Variants in RBFOX1 observed in about 807,000 individuals in gnomAD.
RBFOX1 encodes the protein RNA binding protein fox-1 homolog 1.
Under a neutral mutation model 57.7 loss-of-function variants are expected in RBFOX1, and 8 were observed. The ratio of observed to expected loss-of-function variants is 0.14; its 90% CI spans 0.08 to 0.25. The LOEUF (loss-of-function observed/expected upper bound fraction) is 0.25, where lower values mean the gene tolerates loss of function less well. RBFOX1 is among the 10% of genes least tolerant of loss of function. RBFOX1 has a pLI of 1.00. For synonymous variants in RBFOX1, 326 were observed against 222.4 expected, an observed-to-expected ratio of 1.47 and a Z score of -4.15; for missense variants, 611 against 548.5, an observed-to-expected ratio of 1.11 and a Z score of -1.14.
At chr16:5,593,430 T>G (rs1353189438) in intron 2 of RBFOX1, among the ~76,000 whole-genome samples, 2 of 149,414 alleles carry the variant, frequency 1.3e-5, no homozygotes, top group Non-Finnish European at 3.0e-5. Flanking sequence ...CCATGGCACA[T>G]GTATACCTAT....
intron 3 of RBFOX1, among the ~76,000 whole-genome samples, chr16:5,617,197 C>T (rs1258508616): frequency 6.6e-6 from 1 of 152,170 alleles, no homozygotes; most frequent in East Asian, 1.9e-4. Context: ...CCAACATCCC[C>T]TCACTTCCGA....
intron 3 of RBFOX1, among the ~76,000 whole-genome samples, chr16:5,634,192 G>T (rs1328992338): frequency 6.6e-6 from 1 of 152,176 alleles, no homozygotes; most frequent in East Asian, 1.9e-4. Flanking sequence ...TAACATTTTG[G>T]GTATTGCAAA....
At chr16:5,703,787 G>C (rs1010157122) in intron 3 of RBFOX1, among the ~76,000 whole-genome samples, 2 of 151,958 alleles carry the variant, frequency 1.3e-5, no homozygotes, top group African/African-American at 2.4e-5. Context: ...ATGTGTGTGA[G>C]TATATATATA....
chr16:6,796,092 C>T (rs886826030), intron 3 of RBFOX1, among the ~76,000 whole-genome samples: 1 of 152,124 alleles, frequency 6.6e-6, no homozygotes, highest in Non-Finnish European at 1.5e-5. Context: ...GCTTACATTT[C>T]CACGTGGCTG....
chr16:5,344,252 C>T (rs2151301108), intron 1 of RBFOX1, among the ~76,000 whole-genome samples: 1 of 152,292 alleles, frequency 6.6e-6, no homozygotes, highest in Non-Finnish European at 1.5e-5. Flanking sequence ...TCTCCCATGT[C>T]CTGCAGCTCC....
At chr16:6,652,370 C>T (rs1049999919) in intron 2 of RBFOX1, among the ~76,000 whole-genome samples, 10 of 152,044 alleles carry the variant, frequency 6.6e-5, no homozygotes, top group African/African-American at 2.4e-4. Flanking sequence ...ATCACTTGAA[C>T]CTGGGAGGTG....
chr16:6,016,220 G>A (rs538952162), upstream of RBFOX1, among the ~76,000 whole-genome samples: 2 of 152,312 alleles, frequency 1.3e-5, no homozygotes, highest in Admixed American at 1.3e-4. Context: ...GGTAAATGGA[G>A]GTGTTAGAGG....
chr16:6,054,498 A>G (rs1196210463), intron 1 of RBFOX1, among the ~76,000 whole-genome samples: 3 of 152,270 alleles, frequency 2.0e-5, no homozygotes, highest in African/African-American at 7.2e-5. Flanking sequence ...AGTAAATGCG[A>G]AGTATATCAG....
intron 3 of RBFOX1, among the ~76,000 whole-genome samples, chr16:6,837,344 T>C (rs2093173539): frequency 6.6e-6 from 1 of 152,166 alleles, no homozygotes. Flanking sequence ...CTGACTCTGA[T>C]AAGGAAGTGG....
intron 3 of RBFOX1, among the ~76,000 whole-genome samples, chr16:6,696,054 A>G (rs2060995075): frequency 6.6e-6 from 1 of 152,236 alleles, no homozygotes; most frequent in Admixed American, 6.5e-5. Flanking sequence ...GCTTGAGGCA[A>G]TTGTTGTATC....
chr16:6,996,700 A>G (rs530153493), intron 3 of RBFOX1, among the ~76,000 whole-genome samples: 7 of 152,320 alleles, frequency 4.6e-5, no homozygotes, highest in South Asian at 4.1e-4. Flanking sequence ...TTGGGATTCA[A>G]TTGATAATGC....
At chr16:7,172,273 C>G (rs1278516466) in intron 4 of RBFOX1, among the ~76,000 whole-genome samples, 1 of 152,060 alleles carries the variant, frequency 6.6e-6, no homozygotes, top group Non-Finnish European at 1.5e-5. Context: ...CAAACCCCAT[C>G]AAAAAAACCA....
intron 2 of RBFOX1, among the ~76,000 whole-genome samples, chr16:6,339,773 C>T (rs941928827): frequency 3.3e-5 from 5 of 151,888 alleles, no homozygotes; most frequent in African/African-American, 7.3e-5. Flanking sequence ...CAGGTTCAAG[C>T]GATTCTCCTG....
intron 3 of RBFOX1, among the ~76,000 whole-genome samples, chr16:6,751,880 T>TG (rs1257256296): frequency 6.6e-6 from 1 of 152,184 alleles, no homozygotes; most frequent in African/African-American, 2.4e-5. Context: ...TAGATGGAGA[T>TG]GCGCTGCTGG....
At chr16:6,588,136 C>T (rs571745426) in intron 2 of RBFOX1, among the ~76,000 whole-genome samples, 2 of 151,828 alleles carry the variant, frequency 1.3e-5, no homozygotes, top group East Asian at 3.9e-4. Context: ...GAGGCTGAGG[C>T]AGGAGAATTG....
intron 2 of RBFOX1, among the ~76,000 whole-genome samples, chr16:6,472,965 G>A (rs1413961963): frequency 6.6e-6 from 1 of 152,050 alleles, no homozygotes; most frequent in Non-Finnish European, 1.5e-5. Flanking sequence ...ATTGTTGTAA[G>A]GAAGATAGCA....
intron 1 of RBFOX1, among the ~76,000 whole-genome samples, chr16:5,402,620 A>C (rs910307207): frequency 2.0e-5 from 3 of 152,194 alleles, no homozygotes; most frequent in Non-Finnish European, 4.4e-5. Context: ...CAGTCATATG[A>C]TTCGCAAGTA....
At chr16:5,786,468 G>A (rs185505061) in intron 3 of RBFOX1, among the ~76,000 whole-genome samples, 114 of 152,306 alleles carry the variant, frequency 7.5e-4, no homozygotes, top group African/African-American at 2.7e-3. Context: ...TGACAAGAGA[G>A]TGTAACGAAG....
intron 3 of RBFOX1, among the ~76,000 whole-genome samples, chr16:6,967,867 G>A (rs2084626221): frequency 6.6e-6 from 1 of 152,120 alleles, no homozygotes. Context: ...GAAGAATTGG[G>A]TTGTCAGTCT....
Sources: gnomAD v4.1 joint callset for allele counts (sites outside exome capture counted in the v4.1 genomes callset) on GRCh38, gnomAD v4.1.1 for gene constraint, MANE v1.5 for transcripts, NCBI Gene and HGNC (gene_info 2026-07-23, HGNC 2026-07-21) for gene names.